RHOBTB1: variants seen among roughly 807,000 people sequenced by gnomAD.
RHOBTB1 encodes the protein Rho related BTB domain containing 1.
In RHOBTB1, 40 loss-of-function variants were observed where a neutral mutation model predicts 71.6. The ratio of observed to expected loss-of-function variants is 0.56; its 90% CI spans 0.43 to 0.73. RHOBTB1 has a LOEUF of 0.73. Among genes scored for constraint, RHOBTB1 ranks in the 30% least tolerant of loss-of-function variants. The pLI, the probability that RHOBTB1 is intolerant of heterozygous loss-of-function variation, is 0.00. For synonymous variants in RHOBTB1, 319 were observed against 334.9 expected (o/e 0.95, Z 0.52); for missense variants, 797 against 894.0 (o/e 0.89, Z 1.38).
intron 6 of RHOBTB1, among the ~76,000 whole-genome samples, chr10:60,887,329 A>G (rs1012033016): frequency 2.0e-5 from 3 of 152,228 alleles, no homozygotes; most frequent in South Asian, 2.1e-4. Context: ...CTAAATGTGT[A>G]ATGCCCTGGC....
chr10:60,931,265 T>C (rs988052457), intron 2 of RHOBTB1, among the ~76,000 whole-genome samples: 4 of 152,216 alleles, frequency 2.6e-5, no homozygotes, highest in African/African-American at 9.6e-5. Context: ...TGTGCAACCA[T>C]TCCTGCGATC....
intron 2 of RHOBTB1, among the ~76,000 whole-genome samples, chr10:60,959,801 T>C: frequency 6.6e-6 from 1 of 152,174 alleles, no homozygotes; most frequent in African/African-American, 2.4e-5. Context: ...GGCTCTATTC[T>C]TTACCATCTA....
intron 6 of RHOBTB1, among the ~76,000 whole-genome samples, chr10:60,887,475 G>C (rs531020855): frequency 2.0e-5 from 3 of 152,344 alleles, no homozygotes; most frequent in Admixed American, 1.3e-4. Context: ...TAGTCCAAGT[G>C]TAAGACAGTA....
intron 1 of RHOBTB1, chr10:60,985,962 T>C (rs1168464929): frequency 2.0e-5 from 3 of 152,160 alleles, no homozygotes; most frequent in Non-Finnish European, 4.4e-5. Flanking sequence ...AAGAGATATA[T>C]ACAAGCATGG....
rs61606206 is a variant in RHOBTB1 at position 60,908,280 on chromosome 10, A to G, written c.296+2607T>C. 9.9e-3 allele frequency among the ~76,000 whole-genome samples: 1,507 copies of G among 152,366 alleles called. 18 individuals are homozygous for G. Among genetic ancestry groups the G allele is most frequent in the African/African-American group, 0.034 (1,416 of 41,586 alleles). On this transcript the variant is annotated intron_variant, in intron 4 of 10. Transcript: ENST00000337910. Reference sequence around the variant, plus strand: ...GCAGAGGAAACCGAAGGCAAGGTCTAAAACATGTTGGTTTAAATCTGGCTT... The same window carrying G: ...GCAGAGGAAACCGAAGGCAAGGTCTGAAACATGTTGGTTTAAATCTGGCTT...
chr10:60,989,970 A>T (rs1034737631), intron 1 of RHOBTB1, among the ~76,000 whole-genome samples: 3 of 147,842 alleles, frequency 2.0e-5, no homozygotes, highest in African/African-American at 7.5e-5. Context: ...TCAGAACCTC[A>T]GAATGTCCTT....
chr10:60,866,281 G>A (rs2080635195), downstream of RHOBTB1, among the ~76,000 whole-genome samples: 1 of 152,222 alleles, frequency 6.6e-6, no homozygotes, highest in Admixed American at 6.5e-5. Flanking sequence ...GGCAGCCCTG[G>A]AGAGCCATGG....
intron 2 of RHOBTB1, among the ~76,000 whole-genome samples, chr10:60,925,216 T>C (rs1026730727): frequency 6.6e-6 from 1 of 152,226 alleles, no homozygotes; most frequent in African/African-American, 2.4e-5. Context: ...AGCACCATGC[T>C]TCATGTAAAG....
chr10:60,889,733 T>C (rs1176363972), intron 5 of RHOBTB1, among the ~76,000 whole-genome samples: 1 of 152,176 alleles, frequency 6.6e-6, no homozygotes, highest in Non-Finnish European at 1.5e-5. Context: ...GTAAGTTACT[T>C]AACCTCATTA....
chr10:60,990,968 T>C (rs573703260), intron 1 of RHOBTB1, among the ~76,000 whole-genome samples: 1 of 152,300 alleles, frequency 6.6e-6, no homozygotes, highest in African/African-American at 2.4e-5. Flanking sequence ...ACACACATGT[T>C]CCTCCACCAT....
intron 2 of RHOBTB1, among the ~76,000 whole-genome samples, chr10:60,973,465 T>TAA (rs1565169307): frequency 1.3e-5 from 2 of 152,236 alleles, no homozygotes; most frequent in East Asian, 3.9e-4. Flanking sequence ...TTGTTGTTTT[T>TAA]AATTAGCACT....
chr10:60,877,139 C>T (rs2081086815), intron 8 of RHOBTB1: 1 of 152,186 alleles, frequency 6.6e-6, no homozygotes, highest in African/African-American at 2.4e-5. Context: ...CATTTAAGTT[C>T]ATATATCCTA....
At chr10:60,973,527 A>G (rs2086227712) in intron 2 of RHOBTB1, among the ~76,000 whole-genome samples, 1 of 152,076 alleles carries the variant, frequency 6.6e-6, no homozygotes, top group African/African-American at 2.4e-5. Context: ...CATCATAGAA[A>G]CATCAGAACT....
intron 4 of RHOBTB1, among the ~76,000 whole-genome samples, chr10:60,896,917 T>C (rs2082185792): frequency 6.6e-6 from 1 of 152,150 alleles, no homozygotes; most frequent in South Asian, 2.1e-4. Context: ...ATGCCTGAGC[T>C]GATAAAGCCA....
At chr10:60,899,055 G>T (rs2082287012) in intron 4 of RHOBTB1, among the ~76,000 whole-genome samples, 1 of 152,268 alleles carries the variant, frequency 6.6e-6, no homozygotes, top group African/African-American at 2.4e-5. Context: ...GCCAAAGAAG[G>T]TTGTGGGTTA....
At chr10:60,931,343 C>T (rs939667085) in intron 2 of RHOBTB1, among the ~76,000 whole-genome samples, 5 of 152,140 alleles carry the variant, frequency 3.3e-5, no homozygotes, top group African/African-American at 1.2e-4. Context: ...TCTTTATTCT[C>T]GTTCTCCCCA....
intron 1 of RHOBTB1, among the ~76,000 whole-genome samples, chr10:60,987,297 T>C (rs576488280): frequency 1.3e-5 from 2 of 152,318 alleles, no homozygotes; most frequent in South Asian, 4.1e-4. Flanking sequence ...GTTCTCCACT[T>C]GGCAGCAATT....
chr10:60,976,706 G>A (rs1394987994), intron 2 of RHOBTB1, among the ~76,000 whole-genome samples: 1 of 151,850 alleles, frequency 6.6e-6, no homozygotes, highest in Non-Finnish European at 1.5e-5. Context: ...TAGATCTAAT[G>A]TAATGGGTTT....
At position 60,871,519 on chromosome 10, in the gene RHOBTB1, T is replaced by A. The variant is rs938546024; in HGVS notation, c.2054A>T (p.Lys685Met). 1 of 1,614,156 alleles carries A rather than the reference T, an allele frequency of 6.2e-7. No homozygotes were observed. Reference protein sequence around the residue: ...IALNKHRSRRKWCFWNSSPAV... With the variant: ...IALNKHRSRRMWCFWNSSPAV... ...TGGAGATGAATTCCAGAAGCACCAC[T>A]TTCGTCTTGAGCGATGCTTATTTAG... The change falls in exon 11 of 11, where the codon AAG becomes ATG. Residue 685 changes from lysine to methionine, a missense_variant. Transcript: ENST00000337910.
Sources: allele counts gnomAD v4.1 joint callset (sites outside exome capture counted in the v4.1 genomes callset), GRCh38; gene constraint gnomAD v4.1.1; transcripts MANE v1.5; gene names NCBI Gene and HGNC (gene_info 2026-07-23, HGNC 2026-07-21).